SLC4A10: variants seen among roughly 807,000 people sequenced by gnomAD.
The protein encoded by SLC4A10 is sodium-driven chloride bicarbonate exchanger.
SLC4A10 carries 42 observed loss-of-function variants against 137.7 expected under a neutral mutation model. The ratio of observed to expected loss-of-function variants is 0.30; its 90% CI spans 0.24 to 0.39. SLC4A10 has a LOEUF of 0.39. Among genes scored for constraint, SLC4A10 ranks in the 10% least tolerant of loss-of-function variants. SLC4A10 has a pLI of 1.00. For synonymous variants in SLC4A10, 474 were observed against 464.1 expected (o/e 1.02, Z -0.27); for missense variants, 925 against 1,355.0 (o/e 0.68, Z 4.98).
intron 1 of SLC4A10, among the ~76,000 whole-genome samples, chr2:161,625,279 A>G (rs1200147832): frequency 1.3e-5 from 2 of 151,940 alleles, no homozygotes; most frequent in Non-Finnish European, 2.9e-5. Context: ...GTTTCCCTAC[A>G]TTTAATTTTT....
At chr2:161,823,597 GA>G (rs1385330039) in intron 3 of SLC4A10, among the ~76,000 whole-genome samples, 1 of 152,206 alleles carries the variant, frequency 6.6e-6, no homozygotes, top group Non-Finnish European at 1.5e-5. Flanking sequence ...AACATTACAA[GA>G]CAAAGTTGAA....
Position 161,904,289 on chromosome 2 carries a change from A to G in SLC4A10, c.1617+111A>G, listed in dbSNP as rs1683808701. On this transcript the variant is annotated intron_variant, in intron 13 of 26. Coordinates refer to ENST00000446997, the MANE Select transcript of SLC4A10 (RefSeq NM_001178015.2). ...TCTTTTCTGAGGAGAGATTTGAGATATGGTCTGGCAGATACACCTTATATG... is the reference window on the plus strand; with the variant it reads ...TCTTTTCTGAGGAGAGATTTGAGATGTGGTCTGGCAGATACACCTTATATG... 2.6e-6 allele frequency: 3 copies of G among 1,172,246 alleles called. No homozygotes were observed. The African/African-American group carries it at 4.6e-5, about 18-fold the overall frequency. The allele number at this position is 1,172,246 out of a possible 1,614,324, so 72.6% of individuals were successfully genotyped here. A position where few individuals can be genotyped will look rare whatever the true frequency, so the allele number is the denominator to read the frequency against.
intron 1 of SLC4A10, among the ~76,000 whole-genome samples, chr2:161,695,752 A>G (rs1470918054): frequency 6.6e-6 from 1 of 152,152 alleles, no homozygotes; most frequent in Non-Finnish European, 1.5e-5. Context: ...GTCAGGCTTA[A>G]GAATCACTCT....
At chr2:161,769,547 A>G (rs1349494083) in intron 1 of SLC4A10, among the ~76,000 whole-genome samples, 1 of 151,898 alleles carries the variant, frequency 6.6e-6, no homozygotes, top group Non-Finnish European at 1.5e-5. Context: ...GTTTTGCTTG[A>G]TTAGATTTTG....
rs878869059 is a variant in SLC4A10 at position 161,983,472 on chromosome 2, C to T, written c.*320C>T. 8.7e-6 allele frequency: 4 copies of T among 460,150 alleles called. No homozygotes were observed. The highest frequency in any genetic ancestry group is 5.7e-4 in the Middle Eastern group (1 of 1,760). 28.5% of individuals were successfully genotyped at this position (460,150 alleles called of 1,614,324 possible). Reference sequence around the variant, plus strand: ...AAGAATCTGTGTGTTCCTTGCTGTACGTTAGACATTTGTAAACTGGATTCT... The same window carrying T: ...AAGAATCTGTGTGTTCCTTGCTGTATGTTAGACATTTGTAAACTGGATTCT... On this transcript the variant is annotated 3_prime_UTR_variant, in exon 27 of 27. Coordinates refer to ENST00000446997, the MANE Select transcript of SLC4A10 (RefSeq NM_001178015.2).
intron 25 of SLC4A10, 48 bp from the exon 26 acceptor site, chr2:161,977,674 T>G: frequency 6.5e-7 from 1 of 1,535,248 alleles, no homozygotes; most frequent in Non-Finnish European, 8.9e-7. Flanking sequence ...TTCGTAACCT[T>G]AAATTAACTT....
At chr2:161,662,260 T>A (rs556726608) in intron 1 of SLC4A10, among the ~76,000 whole-genome samples, 2 of 152,270 alleles carry the variant, frequency 1.3e-5, no homozygotes, top group Admixed American at 1.3e-4. Context: ...TAAAACCATA[T>A]CCAGAACAAT....
At chr2:161,851,034 G>A (rs1440719457) in intron 4 of SLC4A10, among the ~76,000 whole-genome samples, 1 of 152,090 alleles carries the variant, frequency 6.6e-6, no homozygotes, top group East Asian at 1.9e-4. Context: ...AGATCTTCTT[G>A]ATATTGATTT....
intron 17 of SLC4A10, 147 bp downstream of exon 17, chr2:161,947,874 G>T: frequency 1.1e-6 from 1 of 885,018 alleles, no homozygotes; most frequent in Non-Finnish European, 1.7e-6. Flanking sequence ...TGAAGAGAAA[G>T]AATTTGTGAT....
intron 12 of SLC4A10, among the ~76,000 whole-genome samples, chr2:161,902,948 A>C (rs1032923148): frequency 3.9e-5 from 6 of 152,198 alleles, no homozygotes; most frequent in Non-Finnish European, 7.4e-5. Flanking sequence ...TTGGAGCATA[A>C]TAAGATTTTT....
rs1374729967 is a variant in SLC4A10, at chr2:161,984,869, C to G, written c.*1717C>G. On this transcript the variant is annotated 3_prime_UTR_variant, in exon 27 of 27. Transcript: ENST00000446997. ...GTTTTATGATTTAGCCAGTGATTCC[C>G]CAAAGCAGCCTCTTAGTGTTTTAAT... 1 of 151,922 alleles carries G rather than the reference C, an allele frequency of 6.6e-6. No homozygotes were observed. Among genetic ancestry groups the G allele is most frequent in the Non-Finnish European group, 1.5e-5 (1 of 67,908 alleles). 9.4% of individuals were successfully genotyped at this position (151,922 alleles called of 1,614,324 possible).
At chr2:161,885,647 G>C (rs759653331) in intron 10 of SLC4A10, among the ~76,000 whole-genome samples, 13 of 152,120 alleles carry the variant, frequency 8.5e-5, no homozygotes, top group Non-Finnish European at 1.6e-4. Context: ...TAAATCATAT[G>C]ATTATGCTTA....
chr2:161,737,228 T>A (rs2047434310), intron 1 of SLC4A10, among the ~76,000 whole-genome samples: 1 of 152,126 alleles, frequency 6.6e-6, no homozygotes, highest in Admixed American at 6.6e-5. Flanking sequence ...GTTAGAAGGG[T>A]GTACTTTGAA....
chr2:161,907,447 C>G (rs1450056093), intron 15 of SLC4A10, among the ~76,000 whole-genome samples: 1 of 152,176 alleles, frequency 6.6e-6, no homozygotes, highest in African/African-American at 2.4e-5. Context: ...TTCAAATCTA[C>G]TACATGCCAG....
At chr2:161,881,313 A>T (rs1214108041) in intron 9 of SLC4A10, among the ~76,000 whole-genome samples, 8 of 152,054 alleles carry the variant, frequency 5.3e-5, no homozygotes, top group Non-Finnish European at 7.4e-5. Flanking sequence ...ATTATAGTTG[A>T]TAAAGCACCT....
At chr2:161,900,691 A>G (rs1272400073) in intron 11 of SLC4A10, among the ~76,000 whole-genome samples, 1 of 152,106 alleles carries the variant, frequency 6.6e-6, no homozygotes, top group African/African-American at 2.4e-5. Flanking sequence ...TAGTCACACT[A>G]TAAGATAGAT....
chr2:161,955,348 A>G (rs1025399695), intron 19 of SLC4A10, among the ~76,000 whole-genome samples: 2 of 152,224 alleles, frequency 1.3e-5, no homozygotes, highest in Admixed American at 6.5e-5. Flanking sequence ...TTTTTTGGTT[A>G]TGCTGACACC....
intron 11 of SLC4A10, among the ~76,000 whole-genome samples, chr2:161,899,436 A>C (rs1404147276): frequency 6.6e-6 from 1 of 151,952 alleles, no homozygotes; most frequent in Non-Finnish European, 1.5e-5. Context: ...TGCCCCTACC[A>C]TTTCACTAAA....
At chr2:161,791,309 C>G (rs1238289434) in intron 2 of SLC4A10, among the ~76,000 whole-genome samples, 1 of 152,148 alleles carries the variant, frequency 6.6e-6, no homozygotes, top group Non-Finnish European at 1.5e-5. Context: ...AGATCATGTC[C>G]TTTGCAGGGA....
Sources: allele counts gnomAD v4.1 joint callset (sites outside exome capture counted in the v4.1 genomes callset), GRCh38; gene constraint gnomAD v4.1.1; transcripts MANE v1.5; gene names NCBI Gene and HGNC (gene_info 2026-07-23, HGNC 2026-07-21).